The following SLC66A1 variants were observed in gnomAD, a reference collection of about 807,000 sequenced individuals.
SLC66A1 encodes the protein lysosomal amino acid transporter 1 homolog.
Under a neutral mutation model 33.0 loss-of-function variants are expected in SLC66A1, and 23 were observed. The ratio of observed to expected loss-of-function variants is 0.70; its 90% CI spans 0.50 to 0.99. SLC66A1 has a LOEUF of 0.99. Ranked by LOEUF, SLC66A1 falls within the 50% of genes least tolerant of loss-of-function variation. The pLI, the probability that SLC66A1 is intolerant of heterozygous loss-of-function variation, is 0.00. For missense variants in SLC66A1, 335 were observed against 383.6 expected (o/e 0.87, Z 1.06); for synonymous variants, 164 against 175.5 (o/e 0.93, Z 0.52).
chr1:19,326,223 C>G, intron 4 of SLC66A1, 22 bp from the exon 5 acceptor site: 1 of 1,586,338 alleles, frequency 6.3e-7, no homozygotes, highest in Non-Finnish European at 8.6e-7. Flanking sequence ...CTAACCTCAG[C>G]TTCCCCCTGC....
At position 19,325,475 on chromosome 1, in the gene SLC66A1, G is replaced by GC. The variant is rs767120219; in HGVS notation, c.295-15dup. 3 of 1,559,314 alleles carry GC rather than the reference G, an allele frequency of 1.9e-6. No homozygotes were observed. The highest frequency in any genetic ancestry group is 2.2e-5 in the South Asian group (2 of 89,814). On this transcript the variant is annotated intron_variant, in intron 3 of 7. Transcript: ENST00000375153. ...ATCCTGGGACTGCGCCAACCCCTGG[G>GC]CCCCCTGCATCTCTTACAGACCTAC...
At chr1:19,323,661 C>A (rs2093848769) in intron 2 of SLC66A1, among the ~76,000 whole-genome samples, 1 of 151,786 alleles carries the variant, frequency 6.6e-6, no homozygotes, top group African/African-American at 2.4e-5. Context: ...CCCTCCTCAA[C>A]CTCCCAAAGT....
At chr1:19,318,286 T>C (rs1010957762) in intron 2 of SLC66A1, among the ~76,000 whole-genome samples, 1 of 152,128 alleles carries the variant, frequency 6.6e-6, no homozygotes, top group Non-Finnish European at 1.5e-5. Flanking sequence ...ACAACCTCTG[T>C]CCTCCAGACT....
chr1:19,327,709 C>A, intron 7 of SLC66A1: 1 of 578,102 alleles, frequency 1.7e-6, no homozygotes, highest in Non-Finnish European at 3.4e-6. Flanking sequence ...AGAATTACTT[C>A]ATTGCAGTGG....
chr1:19,320,813 A>T lies in SLC66A1; in HGVS notation c.164+2972A>T, dbSNP rs1385092148. ...CTGTAACCTCTGCCTCCCGGGTTCAAGCGATTCTCCTGCCTCAGCCTCCTG... is the reference window on the plus strand; with the variant it reads ...CTGTAACCTCTGCCTCCCGGGTTCATGCGATTCTCCTGCCTCAGCCTCCTG... On this transcript the variant is annotated intron_variant, in intron 2 of 7. Coordinates refer to ENST00000375153, the MANE Select transcript of SLC66A1 (RefSeq NM_001040125.2). Among the ~76,000 whole-genome samples, 2 of 146,356 alleles carry T rather than the reference A, an allele frequency of 1.4e-5. 1 individual carries two copies. The highest frequency in any genetic ancestry group is 5.3e-5 in the African/African-American group (2 of 37,756).
intron 6 of SLC66A1, 117 bp from the exon 7 acceptor site, chr1:19,327,110 G>A: frequency 9.3e-7 from 1 of 1,075,474 alleles, no homozygotes; most frequent in Non-Finnish European, 1.4e-6. Context: ...GGCACCCAGG[G>A]AAAGATTGGC....
In SLC66A1 at chr1:19,320,719, T is replaced by G. The variant is rs2093832438; in HGVS notation, c.164+2878T>G. Among the ~76,000 whole-genome samples, 8 of 142,028 alleles carry G rather than the reference T, an allele frequency of 5.6e-5. No homozygotes were observed. In the South Asian group the frequency reaches 1.7e-3, roughly 30 times the overall value. 93.2% of individuals were successfully genotyped at this position (142,028 alleles called of 152,430 possible). A position where few individuals can be genotyped will look rare whatever the true frequency, so the allele number is the denominator to read the frequency against. The stretch of plus-strand genomic sequence containing the variant: ...CGTGAGCCACCGCACCTGGCCTCAC[T>G]TCTTTTTTTTTGAGACGTAGTCTTG... On this transcript the variant is annotated intron_variant, in intron 2 of 7. Coordinates refer to ENST00000375153, the MANE Select transcript of SLC66A1 (RefSeq NM_001040125.2).
chr1:19,317,896 G>A, intron 2 of SLC66A1, 55 bp downstream of exon 2: 1 of 1,579,224 alleles, frequency 6.3e-7, no homozygotes, highest in Non-Finnish European at 8.6e-7. Flanking sequence ...TGAGGCAGTG[G>A]CTCCAGCTAC....
intron 2 of SLC66A1, among the ~76,000 whole-genome samples, chr1:19,323,380 C>T: frequency 6.6e-6 from 1 of 151,598 alleles, no homozygotes; most frequent in Non-Finnish European, 1.5e-5. Flanking sequence ...GGATGAGCTG[C>T]CATTTAGTTA....
chr1:19,326,636 C>CA lies in SLC66A1; in HGVS notation c.618+14dup. ...GATCCGCACCAACGTGAGCCTCCAG[C>CA]AGGGGCTGGGTGGGGCCGAGTAGAG... On this transcript the variant is annotated intron_variant, in intron 6 of 7. Coordinates refer to ENST00000375153, the MANE Select transcript of SLC66A1 (RefSeq NM_001040125.2). 6.2e-7 allele frequency: 1 copy of CA among 1,613,254 alleles called. No individual in the cohort carries two copies. Among genetic ancestry groups the CA allele is most frequent in the Non-Finnish European group, 8.5e-7 (1 of 1,179,212 alleles).
At chr1:19,316,766 A>C (rs150211927) in intron 1 of SLC66A1, among the ~76,000 whole-genome samples, 124 of 152,162 alleles carry the variant, frequency 8.1e-4, no homozygotes, top group African/African-American at 2.8e-3. Context: ...TCCTGGGCTC[A>C]AGTGATCCTC....
chr1:19,333,058 G>A (rs2093896951), downstream of SLC66A1, among the ~76,000 whole-genome samples: 2 of 152,216 alleles, frequency 1.3e-5, no homozygotes, highest in South Asian at 2.1e-4. This position sits in a 1 kb window ranked among gnomAD's most constrained non-coding sequence, Gnocchi z 4.2. Context: ...CTCAGGTTCC[G>A]GGGATGGGAT....
In SLC66A1 at chr1:19,326,335, C is replaced by G. The variant is rs1189515542; in HGVS notation, c.473C>G (p.Pro158Arg). Residue 158 changes from proline to arginine, a missense_variant, in exon 5 of 8, where the codon CCT becomes CGT. Pro to Arg is a moderately radical substitution (Grantham distance 103). Transcript: ENST00000375153. ...LLSAAGPVAA[P>R]REAFRGRALL... is the part of the protein sequence containing the mutation. ...AGTGCTGCTGGGCCCGTGGCTGCCCCTAGGGAAGCCTTCCGGGGGCGGGCG... is the reference window on the plus strand; with the variant it reads ...AGTGCTGCTGGGCCCGTGGCTGCCCGTAGGGAAGCCTTCCGGGGGCGGGCG... 1.2e-6 allele frequency: 2 copies of G among 1,606,752 alleles called. No homozygotes were observed.
In SLC66A1 at chr1:19,319,605, G is replaced by GTTTTTTTTT. The variant is rs569177720; in HGVS notation, c.164+1772_164+1780dup. On this transcript the variant is annotated intron_variant, in intron 2 of 7. Transcript: ENST00000375153. ...GATTAATGTTGCTGTGCACATTCAT[G>GTTTTTTTTT]TTTTTTTTTTTTTTTTGCCTGGTGC... Among the ~76,000 whole-genome samples, 65 of 111,850 alleles carry GTTTTTTTTT rather than the reference G, an allele frequency of 5.8e-4. 3 individuals are homozygous for GTTTTTTTTT. The highest frequency in any genetic ancestry group is 1.3e-3 in the African/African-American group (33 of 24,834). 73.4% of individuals were successfully genotyped at this position (111,850 alleles called of 152,430 possible).
chr1:19,331,887 G>A (rs988506094), downstream of SLC66A1, among the ~76,000 whole-genome samples: 79 of 152,186 alleles, frequency 5.2e-4, no homozygotes, highest in African/African-American at 1.9e-3. Flanking sequence ...CTTCCTCCTG[G>A]GAAACACCAG....
chr1:19,320,375 C>T (rs954536799), intron 2 of SLC66A1, among the ~76,000 whole-genome samples: 4 of 150,650 alleles, frequency 2.7e-5, no homozygotes, highest in Non-Finnish European at 5.9e-5. Flanking sequence ...ATGAAGGCTC[C>T]AGTTTCTCCA....
rs752391837 is a variant in SLC66A1 at position 19,326,579 on chromosome 1, A to G, written c.574A>G (p.Ser192Gly). 1.9e-6 allele frequency: 3 copies of G among 1,614,006 alleles called. No individual in the cohort carries two copies. Among genetic ancestry groups the G allele is most frequent in the African/African-American group, 2.7e-5 (2 of 74,908 alleles). Residue 192 changes from serine (S) to glycine (G), a missense_variant, in exon 6 of 8, where the codon AGC (serine) becomes GGC (glycine). Ser to Gly is a moderately conservative substitution (Grantham distance 56). Coordinates refer to ENST00000375153, the MANE Select transcript of SLC66A1 (RefSeq NM_001040125.2). Reference sequence around the variant, plus strand: ...TGGCTTCGTCATCGGCTCCATCTCCAGCGTGTTGTACCTGCTTTCCCGGCT... The same window carrying G: ...TGGCTTCGTCATCGGCTCCATCTCCGGCGTGTTGTACCTGCTTTCCCGGCT... ...VIGFVIGSIS[S>G]VLYLLSRLPQ...
Position 19,317,686 on chromosome 1 carries a change from G to C in SLC66A1, c.9G>C (p.Trp3Cys), listed in dbSNP as rs1558146314. 1 of 1,613,952 alleles carries C rather than the reference G, an allele frequency of 6.2e-7. No individual in the cohort carries two copies. The highest frequency in any genetic ancestry group is 1.1e-5 in the South Asian group (1 of 91,086). Reference sequence around the variant, plus strand: ...GCCCCTCCTCCACAGCCATGGTCTGGAAGAAACTGGGCTCCCGCAACTTCT... The same window carrying C: ...GCCCCTCCTCCACAGCCATGGTCTGCAAGAAACTGGGCTCCCGCAACTTCT... MV[W>C]KKLGSRNFSS... The change falls in exon 2 of 8, where the codon TGG (tryptophan) becomes TGC (cysteine). Residue 3 changes from tryptophan to cysteine, a missense_variant. Coordinates refer to ENST00000375153, the MANE Select transcript of SLC66A1 (RefSeq NM_001040125.2).
At chr1:19,326,192 C>T in intron 4 of SLC66A1, 53 bp from the exon 5 acceptor site, 1 of 1,553,484 alleles carries the variant, frequency 6.4e-7, no homozygotes, top group Non-Finnish European at 8.7e-7. Flanking sequence ...CCTCCCCCGA[C>T]AACCGCTGCC....
Sources: allele counts gnomAD v4.1 joint callset (sites outside exome capture counted in the v4.1 genomes callset), GRCh38; gene constraint gnomAD v4.1.1; non-coding constraint Gnocchi (gnomAD v3.1); transcripts MANE v1.5; gene names NCBI Gene and HGNC (gene_info 2026-07-23, HGNC 2026-07-21).